Variants in CFAP206 observed in about 807,000 individuals in gnomAD.
CFAP206 encodes cilia and flagella associated protein 206, also known as cilia- and flagella-associated protein 206.
In CFAP206, 53 loss-of-function variants were observed where a neutral mutation model predicts 65.4. The observed-to-expected ratio is 0.81, with a 90% confidence interval of 0.65 to 1.02. CFAP206 has a LOEUF of 1.02. CFAP206 is among the 50% of genes least tolerant of loss of function. CFAP206 has a pLI of 0.00. For synonymous variants in CFAP206, 250 were observed against 254.4 expected (o/e 0.98, Z 0.17); for missense variants, 663 against 753.2 (o/e 0.88, Z 1.40).
At chr6:87,461,457 T>C (rs1168832979) in intron 12 of CFAP206, among the ~76,000 whole-genome samples, 2 of 152,160 alleles carry the variant, frequency 1.3e-5, no homozygotes, top group South Asian at 2.1e-4. Flanking sequence ...ACTTAAGGTA[T>C]ACCATTCTTT....
At chr6:87,410,750 C>T in intron 3 of CFAP206, 82 bp downstream of exon 3, 1 of 1,092,374 alleles carries the variant, frequency 9.2e-7, no homozygotes, top group Non-Finnish European at 1.4e-6. Flanking sequence ...TTATTGCCTT[C>T]AGCTGCATGA....
intron 1 of CFAP206, among the ~76,000 whole-genome samples, chr6:87,409,328 C>T (rs1767686792): frequency 6.6e-6 from 1 of 151,902 alleles, no homozygotes; most frequent in African/African-American, 2.4e-5. Flanking sequence ...ATTCTCCTGC[C>T]TCAGCCTCCC....
chr6:87,429,577 G>T (rs950979981), intron 9 of CFAP206, among the ~76,000 whole-genome samples: 4 of 152,128 alleles, frequency 2.6e-5, no homozygotes, highest in Middle Eastern at 3.2e-3. Flanking sequence ...TCCTTTAGAA[G>T]ATGCATTGAT....
At position 87,445,970 on chromosome 6, in the gene CFAP206, T is replaced by C. The variant is rs191047373; in HGVS notation, c.1494+10917T>C. 2.7e-3 allele frequency among the ~76,000 whole-genome samples: 407 copies of C among 152,344 alleles called. 2 individuals are homozygous for C. The highest frequency in any genetic ancestry group is 4.8e-3 in the Non-Finnish European group (324 of 68,034). ...CTAATCAATGATATTGAGCTTTTTT[T>C]CATATGTTTGTTGGTTGCATGAATG... On this transcript the variant is annotated intron_variant, in intron 11 of 12. Coordinates refer to ENST00000369562, the MANE Select transcript of CFAP206 (RefSeq NM_001031743.3).
chr6:87,411,650 C>A (rs1268711567), intron 3 of CFAP206, among the ~76,000 whole-genome samples: 1 of 152,158 alleles, frequency 6.6e-6, no homozygotes, highest in East Asian at 1.9e-4. Context: ...TCAGGTCTTA[C>A]ATTTAAGTCT....
chr6:87,434,754 T>C (rs1045112659), intron 10 of CFAP206, 106 bp from the exon 11 acceptor site: 9 of 636,140 alleles, frequency 1.4e-5, no homozygotes, highest in Non-Finnish European at 2.3e-5. Context: ...TGCTTTGGCC[T>C]CCCAAAGTGC....
chr6:87,450,791 G>C (rs953340044), intron 11 of CFAP206, among the ~76,000 whole-genome samples: 3 of 152,094 alleles, frequency 2.0e-5, no homozygotes, highest in African/African-American at 7.2e-5. Flanking sequence ...GTACTGAAGA[G>C]GGTAGGAAAG....
intron 1 of CFAP206, among the ~76,000 whole-genome samples, chr6:87,409,000 A>G (rs1206628078): frequency 6.7e-6 from 1 of 149,730 alleles, no homozygotes; most frequent in Non-Finnish European, 1.5e-5. Flanking sequence ...AAAACCTACC[A>G]CTTTTTCCTT....
At chr6:87,460,302 A>C (rs530212514) in intron 11 of CFAP206, among the ~76,000 whole-genome samples, 2 of 152,356 alleles carry the variant, frequency 1.3e-5, no homozygotes, top group East Asian at 3.9e-4. Context: ...AAAACAAAGC[A>C]AAAACCTTGG....
Position 87,418,311 on chromosome 6 carries a change from G to A in CFAP206, c.735G>A (p.Glu245=). The A allele has an allele frequency of 6.2e-7, 1 of 1,614,116 alleles. No homozygotes were observed. Among genetic ancestry groups the A allele is most frequent in the East Asian group, 2.2e-5 (1 of 44,882 alleles). The change falls in exon 7 of 13, where the codon GAG becomes GAA. Residue 245 remains glutamate (E), a synonymous_variant. Transcript: ENST00000369562. ...SQVYRYTAIL[E]KAANDPLMRA... Reference sequence around the variant, plus strand: ...TATACCGCTACACAGCCATCCTTGAGAAGGCAGCCAACGACCCACTCATGA... The same window carrying A: ...TATACCGCTACACAGCCATCCTTGAAAAGGCAGCCAACGACCCACTCATGA...
At chr6:87,412,683 GA>G (rs1767755486) in intron 3 of CFAP206, among the ~76,000 whole-genome samples, 1 of 151,808 alleles carries the variant, frequency 6.6e-6, no homozygotes. Context: ...TTTTGAGACA[GA>G]GTCTCGCTCT....
chr6:87,462,089 T>C (rs1386669308), intron 12 of CFAP206, among the ~76,000 whole-genome samples: 1 of 152,174 alleles, frequency 6.6e-6, no homozygotes, highest in African/African-American at 2.4e-5. Context: ...AATGGAGAAG[T>C]TGGCTAAGTC....
chr6:87,458,314 T>G (rs1379242773), intron 11 of CFAP206, among the ~76,000 whole-genome samples: 1 of 152,148 alleles, frequency 6.6e-6, no homozygotes, highest in African/African-American at 2.4e-5. Context: ...ATCCCACTGC[T>G]AGGTATATAC....
intron 11 of CFAP206, among the ~76,000 whole-genome samples, chr6:87,459,315 A>G (rs1352951494): frequency 1.3e-5 from 2 of 152,170 alleles, no homozygotes; most frequent in Non-Finnish European, 2.9e-5. Context: ...CGAGGCATAC[A>G]TGTCTTTTTA....
chr6:87,418,321 A>G lies in CFAP206; in HGVS notation c.745A>G (p.Asn249Asp), dbSNP rs1767871562. The change falls in exon 7 of 13, where the codon AAC becomes GAC. Residue 249 changes from asparagine (N) to aspartate (D), a missense_variant. Physicochemically the swap from Asn to Asp is conservative, Grantham distance 23. Transcript: ENST00000369562. Reference sequence around the variant, plus strand: ...CACAGCCATCCTTGAGAAGGCAGCCAACGACCCACTCATGAGGGCTGAACT... The same window carrying G: ...CACAGCCATCCTTGAGAAGGCAGCCGACGACCCACTCATGAGGGCTGAACT... ...RYTAILEKAA[N>D]DPLMRAELQP... The G allele has an allele frequency of 3.7e-6, 6 of 1,614,064 alleles. No individual in the cohort carries two copies. The African/African-American group carries it at 8.0e-5, about 22-fold the overall frequency.
chr6:87,427,842 C>A (rs1409387064), intron 8 of CFAP206, among the ~76,000 whole-genome samples: 2 of 152,084 alleles, frequency 1.3e-5, no homozygotes, highest in African/African-American at 4.8e-5. Context: ...CTTTTGTGTT[C>A]ATTCTCCTCT....
intron 5 of CFAP206, among the ~76,000 whole-genome samples, chr6:87,416,195 C>G (rs1445857336): frequency 6.6e-6 from 1 of 152,076 alleles, no homozygotes; most frequent in Non-Finnish European, 1.5e-5. Flanking sequence ...AATGGAAAAG[C>G]TGAAAACGGA....
chr6:87,444,788 G>A, intron 11 of CFAP206: 1 of 527,442 alleles, frequency 1.9e-6, no homozygotes. Flanking sequence ...GCCCTAGGTT[G>A]AACTTCTTTC....
At chr6:87,427,583 A>C (rs986370776) in intron 8 of CFAP206, among the ~76,000 whole-genome samples, 1 of 152,200 alleles carries the variant, frequency 6.6e-6, no homozygotes, top group Non-Finnish European at 1.5e-5. Flanking sequence ...TTGTTCTATA[A>C]GTCAGTGACC....
Sources: allele counts gnomAD v4.1 joint callset (sites outside exome capture counted in the v4.1 genomes callset), GRCh38; gene constraint gnomAD v4.1.1; transcripts MANE v1.5; gene names NCBI Gene and HGNC (gene_info 2026-07-23, HGNC 2026-07-21).